Variants in HLF observed in about 807,000 individuals in gnomAD.
The protein encoded by HLF is hepatic leukemia factor.
A neutral mutation model predicts 22.6 loss-of-function variants in HLF; 3 were observed. The observed-to-expected ratio is 0.13, with a 90% CI of 0.06 to 0.34. HLF has a LOEUF of 0.34. HLF is among the 10% of genes least tolerant of loss of function. HLF has a pLI of 1.00. For synonymous variants in HLF, 151 were observed against 151.8 expected (o/e 0.99, Z 0.04); for missense variants, 299 against 389.2 (o/e 0.77, Z 1.95).
At chr17:55,282,117 A>G (rs1232439880) in intron 2 of HLF, among the ~76,000 whole-genome samples, 1 of 152,244 alleles carries the variant, frequency 6.6e-6, no homozygotes. Context: ...AAATTACATT[A>G]AACAAGCTAT....
At chr17:55,268,157 G>T in intron 2 of HLF, 71 bp downstream of exon 2, 1 of 1,119,864 alleles carries the variant, frequency 8.9e-7, no homozygotes, top group Non-Finnish European at 1.3e-6. Flanking sequence ...GGTAGAGTTA[G>T]CATAAACATC....
intron 2 of HLF, among the ~76,000 whole-genome samples, chr17:55,313,099 A>G (rs897483387): frequency 1.3e-5 from 2 of 152,180 alleles, no homozygotes; most frequent in African/African-American, 4.8e-5. Context: ...TCCACTCTGC[A>G]GGTAGGGCTG....
intron 2 of HLF, among the ~76,000 whole-genome samples, chr17:55,308,891 G>A (rs1363374824): frequency 6.6e-6 from 1 of 152,210 alleles, no homozygotes; most frequent in African/African-American, 2.4e-5. Flanking sequence ...CTAGAGTTCA[G>A]GTGATTTAAG....
At chr17:55,295,586 G>A (rs749184262) in intron 2 of HLF, among the ~76,000 whole-genome samples, 2 of 152,196 alleles carry the variant, frequency 1.3e-5, no homozygotes, top group Non-Finnish European at 2.9e-5. Context: ...AAGGTTAGAG[G>A]CGGTGTAATG....
intron 2 of HLF, among the ~76,000 whole-genome samples, chr17:55,284,645 A>G (rs1032135770): frequency 6.6e-6 from 1 of 152,114 alleles, no homozygotes; most frequent in Non-Finnish European, 1.5e-5. Context: ...GACTTCTTCC[A>G]GGACCTTCTA....
At chr17:55,280,459 C>T (rs1329223994) in intron 2 of HLF, among the ~76,000 whole-genome samples, 3 of 152,222 alleles carry the variant, frequency 2.0e-5, no homozygotes, top group African/African-American at 7.2e-5. Flanking sequence ...TCTCCATATG[C>T]CCTGCTGTGC....
chr17:55,266,832 C>G, intron 1 of HLF: 11 of 983,898 alleles, frequency 1.1e-5, no homozygotes, highest in Non-Finnish European at 1.3e-5. Flanking sequence ...TGTTAAAGAC[C>G]TAATGGGCGA....
chr17:55,310,515 T>TA (rs137878880), intron 2 of HLF, among the ~76,000 whole-genome samples: 39,906 of 151,940 alleles, frequency 0.26, 5,769 homozygotes, highest in Non-Finnish European at 0.33. Context: ...GAACAAGCCT[T>TA]TATATTGAAG....
At chr17:55,292,037 T>A (rs2070785945) in intron 2 of HLF, among the ~76,000 whole-genome samples, 1 of 152,248 alleles carries the variant, frequency 6.6e-6, no homozygotes, top group Non-Finnish European at 1.5e-5. Flanking sequence ...TGAGGAATTG[T>A]TTCTTGCAGA....
At chr17:55,284,084 C>A (rs1285042224) in intron 2 of HLF, 1 of 152,186 alleles carries the variant, frequency 6.6e-6, no homozygotes, top group Non-Finnish European at 1.5e-5. Context: ...TCAGATTTTT[C>A]TTTCTATAAA....
intron 3 of HLF, among the ~76,000 whole-genome samples, chr17:55,317,632 C>G (rs1023289285): frequency 1.3e-5 from 2 of 151,944 alleles, no homozygotes; most frequent in Non-Finnish European, 2.9e-5. Flanking sequence ...AGACCATGAG[C>G]TAATATAAAG....
At chr17:55,300,826 C>G (rs1159510728) in intron 2 of HLF, among the ~76,000 whole-genome samples, 1 of 152,210 alleles carries the variant, frequency 6.6e-6, no homozygotes, top group Non-Finnish European at 1.5e-5. Context: ...GTCATCTGAT[C>G]AAGTGAGTCC....
chr17:55,287,589 T>C (rs941388873), intron 2 of HLF, among the ~76,000 whole-genome samples: 1 of 152,246 alleles, frequency 6.6e-6, no homozygotes, highest in Non-Finnish European at 1.5e-5. Context: ...AGGACAGTTA[T>C]TATTCAGAAA....
intron 2 of HLF, among the ~76,000 whole-genome samples, chr17:55,270,945 G>C (rs1009634337): frequency 6.6e-6 from 1 of 152,042 alleles, no homozygotes; most frequent in African/African-American, 2.4e-5. Context: ...CCCGGCCTTG[G>C]GTAAATCTTG....
In HLF at chr17:55,322,833, GA is replaced by G. The variant is rs1342850243; in HGVS notation, c.*1955del. On this transcript the variant is annotated 3_prime_UTR_variant, in exon 4 of 4. Transcript: ENST00000226067. ...GCGGGCCCGCACGTTTTATGAGGTTGATATCGGTGCTATGTGTTTGGTTTAT... is the reference window on the plus strand; with the variant it reads ...GCGGGCCCGCACGTTTTATGAGGTTGTATCGGTGCTATGTGTTTGGTTTAT... 1 of 228,980 alleles carries G rather than the reference GA, an allele frequency of 4.4e-6. No homozygotes were observed. Among genetic ancestry groups the G allele is most frequent in the African/African-American group, 2.2e-5 (1 of 45,072 alleles). 14.2% of individuals were successfully genotyped at this position (228,980 alleles called of 1,614,324 possible). A position where few individuals can be genotyped will look rare whatever the true frequency, so the allele number is the denominator to read the frequency against.
chr17:55,316,558 G>A (rs148482372), intron 3 of HLF, among the ~76,000 whole-genome samples: 1 of 152,172 alleles, frequency 6.6e-6, no homozygotes, highest in Non-Finnish European at 1.5e-5. Context: ...AAAACATCAG[G>A]GCTGAAGGGG....
At chr17:55,296,467 T>A (rs1404374159) in intron 2 of HLF, among the ~76,000 whole-genome samples, 2 of 151,914 alleles carry the variant, frequency 1.3e-5, no homozygotes, top group Non-Finnish European at 2.9e-5. Flanking sequence ...TATATGGGGG[T>A]GGGTGTGTAT....
intron 2 of HLF, among the ~76,000 whole-genome samples, chr17:55,306,537 AGTGTGTGTGT>A (rs60472672): frequency 1.3e-3 from 192 of 143,700 alleles, no homozygotes; most frequent in South Asian, 5.5e-3. Context: ...GCAAAAAGGA[AGTGTGTGTGT>A]GTGTGTGTGT....
intron 2 of HLF, among the ~76,000 whole-genome samples, chr17:55,314,796 A>G (rs1201729619): frequency 1.3e-5 from 2 of 152,194 alleles, no homozygotes; most frequent in Non-Finnish European, 2.9e-5. Context: ...GTGGAAGCAC[A>G]TGAGAATTAC....
Sources: allele counts gnomAD v4.1 joint callset (sites outside exome capture counted in the v4.1 genomes callset), GRCh38; gene constraint gnomAD v4.1.1; transcripts MANE v1.5; gene names NCBI Gene and HGNC (gene_info 2026-07-23, HGNC 2026-07-21).